CEP44: variants seen among roughly 807,000 people sequenced by gnomAD.
The protein encoded by CEP44 is centrosomal protein 44.
A neutral mutation model predicts 46.7 loss-of-function variants in CEP44; 45 were observed. The ratio of observed to expected loss-of-function variants is 0.96; its 90% confidence interval spans 0.76 to 1.24. The LOEUF (loss-of-function observed/expected upper bound fraction) is 1.24, where lower values mean the gene tolerates loss of function less well. CEP44 is among the 50% of genes most tolerant of loss of function. The probability of loss-of-function intolerance (pLI) is 0.00; values close to 1 mark genes in which losing one functional copy is unlikely to be tolerated. For missense variants in CEP44, 475 were observed against 459.7 expected, an observed-to-expected ratio of 1.03 and a Z score of -0.30; for synonymous variants, 142 against 146.0, an observed-to-expected ratio of 0.97 and a Z score of 0.20.
Position 174,326,444 on chromosome 4 carries a change from C to T in CEP44, c.1087-5038C>T, listed in dbSNP as rs930991979. Among the ~76,000 whole-genome samples, 4 of 151,980 alleles carry T rather than the reference C, an allele frequency of 2.6e-5. No individual in the cohort carries two copies. The highest frequency in any genetic ancestry group is 5.9e-5 in the Non-Finnish European group (4 of 67,940). ...TTTCATTCTTTCTGCGCCCGCCAAG[C>T]CTTTTTTTGTCAAACATTGACTTCT... On this transcript the variant is annotated intron_variant, in intron 8 of 8. Transcript: ENST00000426172. This position sits in a 1 kb window ranked among gnomAD's most constrained non-coding sequence, Gnocchi z 4.8.
rs1463514945 is a variant in CEP44 at position 174,288,850 on chromosome 4, TTTTATC to T, written c.-148+4912_-148+4917del. Among the ~76,000 whole-genome samples the T allele has an allele frequency of 1.3e-5, 2 of 152,194 alleles. No individual in the cohort carries two copies. Among genetic ancestry groups the T allele is most frequent in the Non-Finnish European group, 2.9e-5 (2 of 68,028 alleles). ...CATCTTATGGGGAAAGCTTTCAGTT[TTTTATC>T]TTTAAGTATCTTAGCTGTGGGCTTC... On this transcript the variant is annotated intron_variant, in intron 1 of 11. Coordinates refer to ENST00000503780, the MANE Select transcript of CEP44 (RefSeq NM_001040157.3). This position sits in a 1 kb window ranked among gnomAD's most constrained non-coding sequence, Gnocchi z 4.6.
chr4:174,319,409 T>C lies in CEP44; in HGVS notation c.*2026T>C. 2 of 984,080 alleles carry C rather than the reference T, an allele frequency of 2.0e-6. No individual in the cohort carries two copies. The highest frequency in any genetic ancestry group is 1.2e-6 in the Non-Finnish European group (1 of 828,694). 61.0% of individuals were successfully genotyped at this position (984,080 alleles called of 1,614,324 possible). On this transcript the variant is annotated 3_prime_UTR_variant, in exon 12 of 12. Transcript: ENST00000503780. ...GTATTTTACCTTTTGTTAAAACAAG[T>C]GATTTCCCATCAAACAGGATAATAT...
chr4:174,290,530 A>G lies in CEP44; in HGVS notation c.-148+6587A>G, dbSNP rs1397905309. Among the ~76,000 whole-genome samples the G allele has an allele frequency of 6.6e-6, 1 of 151,700 alleles. No individual in the cohort carries two copies. Among genetic ancestry groups the G allele is most frequent in the African/African-American group, 2.4e-5 (1 of 41,390 alleles). ...GATTATTTTGCTATGGTTGGGTCTC[A>G]TGTTCTGTATATGCATGTTAGGTCT... is the stretch of plus-strand genomic sequence containing the variant. On this transcript the variant is annotated intron_variant, in intron 1 of 11. Transcript: ENST00000503780. The surrounding 1 kb of genome is among the most constrained non-coding windows in gnomAD (Gnocchi z 4.3).
At chr4:174,327,749 G>T (rs78243767) in intron 8 of CEP44, among the ~76,000 whole-genome samples, 1,625 of 152,072 alleles carry the variant, frequency 0.011, 29 homozygotes, top group African/African-American at 0.037. Context: ...TATGGACGGG[G>T]TGTGTGTGTG....
intron 4 of CEP44, 94 bp from the exon 5 acceptor site, chr4:174,303,609 G>C: frequency 2.9e-6 from 2 of 679,868 alleles, no homozygotes; most frequent in Non-Finnish European, 4.9e-6. Flanking sequence ...CCTCTCAAAG[G>C]TGGCCATTAT....
At chr4:174,321,495 C>T (rs1437117883), downstream of CEP44, among the ~76,000 whole-genome samples, 1 of 152,144 alleles carries the variant, frequency 6.6e-6, no homozygotes, top group Non-Finnish European at 1.5e-5. Flanking sequence ...TGGTCCTCAT[C>T]AATAATGATT....
intron 6 of CEP44, among the ~76,000 whole-genome samples, chr4:174,305,601 AAGTGCATGT>A (rs1273764583): frequency 3.3e-5 from 5 of 152,244 alleles, no homozygotes; most frequent in Non-Finnish European, 7.3e-5. Flanking sequence ...ATTTTTGAAT[AAGTGCATGT>A]AGTTTTTGTA....
In CEP44 at chr4:174,311,423, T is replaced by C. The variant is rs1386999187; in HGVS notation, c.961+565T>C. Among the ~76,000 whole-genome samples the C allele has an allele frequency of 6.6e-6, 1 of 152,062 alleles. No individual in the cohort carries two copies. Among genetic ancestry groups the C allele is most frequent in the Non-Finnish European group, 1.5e-5 (1 of 67,952 alleles). On this transcript the variant is annotated intron_variant, in intron 9 of 11. Coordinates refer to ENST00000503780, the MANE Select transcript of CEP44 (RefSeq NM_001040157.3). The surrounding 1 kb of genome is among the most constrained non-coding windows in gnomAD (Gnocchi z 4.4). ...TTTTCAGTGACAGCTTTGTTTTGATTGTTATGTATTTTTAAAAGATCTAAA... is the reference window on the plus strand; with the variant it reads ...TTTTCAGTGACAGCTTTGTTTTGATCGTTATGTATTTTTAAAAGATCTAAA...
chr4:174,303,981 G>GTAACCTTA (rs1161234359), intron 5 of CEP44, 132 bp downstream of exon 5: 4 of 732,318 alleles, frequency 5.5e-6, no homozygotes, highest in Non-Finnish European at 8.4e-6. Flanking sequence ...AAAGATTTGA[G>GTAACCTTA]TAACCTTATA....
chr4:174,327,450 A>G (rs536188635), intron 8 of CEP44, among the ~76,000 whole-genome samples: 6 of 152,070 alleles, frequency 3.9e-5, no homozygotes, highest in Admixed American at 6.5e-5. Context: ...GTCTAAGATT[A>G]TACATATTAA....
At chr4:174,316,751 ACT>A in intron 11 of CEP44, 184 bp downstream of exon 11, 1 of 467,636 alleles carries the variant, frequency 2.1e-6, no homozygotes, top group South Asian at 4.0e-5. Flanking sequence ...GAGATGAGTC[ACT>A]GTTTTAGTTT....
At chr4:174,323,039 G>C (rs1047472378), downstream of CEP44, among the ~76,000 whole-genome samples, 6 of 151,874 alleles carry the variant, frequency 4.0e-5, no homozygotes, top group Admixed American at 6.6e-5. Flanking sequence ...GCACTAAAAG[G>C]CAGCAAATTT....
intron 9 of CEP44, among the ~76,000 whole-genome samples, chr4:174,315,840 C>CAAAAAAA (rs58586936): frequency 1.0e-5 from 1 of 95,776 alleles, no homozygotes; most frequent in Non-Finnish European, 2.2e-5. Context: ...GACTCCGTCT[C>CAAAAAAA]AAAAAAAAAA....
At chr4:174,299,424 GT>G (rs777283613) in intron 3 of CEP44, among the ~76,000 whole-genome samples, 22 of 152,218 alleles carry the variant, frequency 1.4e-4, no homozygotes, top group Non-Finnish European at 2.5e-4. Context: ...ATTTAAAACT[GT>G]TTAGAAGCAC....
intron 1 of CEP44, 179 bp downstream of exon 1, chr4:174,284,122 C>G: frequency 2.5e-6 from 1 of 399,124 alleles, no homozygotes; most frequent in Non-Finnish European, 4.4e-6. Flanking sequence ...AAACCGGCTT[C>G]TTTGCTGGTG....
In CEP44 at chr4:174,325,636, C is replaced by T. The variant is rs1283945622; in HGVS notation, c.1087-5846C>T. On this transcript the variant is annotated intron_variant, in intron 8 of 8. Transcript: ENST00000426172. The surrounding 1 kb of genome is among the most constrained non-coding windows in gnomAD (Gnocchi z 4.4). The stretch of plus-strand genomic sequence containing the variant: ...TATCACTGCACTCCAGCCTGGGTGA[C>T]AGAGCAAGACCCTGTCTCTAAAAAT... Among the ~76,000 whole-genome samples the T allele has an allele frequency of 6.6e-6, 1 of 152,062 alleles. No homozygotes were observed. The highest frequency in any genetic ancestry group is 1.5e-5 in the Non-Finnish European group (1 of 68,006).
At position 174,318,027 on chromosome 4, in the gene CEP44, G is replaced by T. The variant is rs1741928261; in HGVS notation, c.*644G>T. ...GGACTATGGTCTCAAGGTTCACCAT[G>T]AGAAATGTGTTGAACATTTTAGTAT... On this transcript the variant is annotated 3_prime_UTR_variant, in exon 12 of 12. Transcript: ENST00000503780. 11 of 985,226 alleles carry T rather than the reference G, an allele frequency of 1.1e-5. No individual in the cohort carries two copies. The highest frequency in any genetic ancestry group is 1.3e-5 in the Non-Finnish European group (11 of 829,876). 61.0% of individuals were successfully genotyped at this position (985,226 alleles called of 1,614,324 possible).
At position 174,303,790 on chromosome 4, in the gene CEP44, G is replaced by A; in HGVS notation, c.325G>A (p.Val109Ile). ...CGFAEWKIQI[V>I]CDILNCVMKK... ...GTTTGCAGAATGGAAAATCCAAATTGTTTGTGATATTTTGAATTGTGTGAT... is the reference window on the plus strand; with the variant it reads ...GTTTGCAGAATGGAAAATCCAAATTATTTGTGATATTTTGAATTGTGTGAT... The change falls in exon 5 of 12, where the codon GTT becomes ATT. Residue 109 changes from valine to isoleucine, a missense_variant. Transcript: ENST00000503780. 1 of 1,576,152 alleles carries A rather than the reference G, an allele frequency of 6.3e-7. No homozygotes were observed. The highest frequency in any genetic ancestry group is 8.7e-7 in the Non-Finnish European group (1 of 1,151,742).
chr4:174,286,692 A>G lies in CEP44; in HGVS notation c.-148+2749A>G, dbSNP rs1737621316. ...TCTTTGGGAAAAATCTCCTTTGATA[A>G]TCTAATGAAAGTCCCACTCCATGCA... On this transcript the variant is annotated intron_variant, in intron 1 of 11. Transcript: ENST00000503780. The surrounding 1 kb of genome is among the most constrained non-coding windows in gnomAD (Gnocchi z 5.2). Among the ~76,000 whole-genome samples, 2 of 152,176 alleles carry G rather than the reference A, an allele frequency of 1.3e-5. No homozygotes were observed. The highest frequency in any genetic ancestry group is 4.8e-5 in the African/African-American group (2 of 41,440).
Sources: gnomAD v4.1 joint callset for allele counts (sites outside exome capture counted in the v4.1 genomes callset) on GRCh38, gnomAD v4.1.1 for gene constraint, Gnocchi (gnomAD v3.1) non-coding constraint, MANE v1.5 for transcripts, NCBI Gene and HGNC (gene_info 2026-07-23, HGNC 2026-07-21) for gene names.